The following TMEM87B variants were observed in gnomAD, a reference collection of about 807,000 sequenced individuals.
The protein encoded by TMEM87B is transmembrane protein 87B.
Under a neutral mutation model 80.3 loss-of-function variants are expected in TMEM87B, and 83 were observed. That is an observed-to-expected ratio of 1.03 (90% CI 0.87 to 1.24). The LOEUF is 1.24. Ranked by LOEUF, TMEM87B falls within the 50% of genes most tolerant of loss-of-function variation. The pLI, the probability that TMEM87B is intolerant of heterozygous loss-of-function variation, is 0.00. For missense variants in TMEM87B, 625 were observed against 674.4 expected (o/e 0.93, Z 0.81); for synonymous variants, 219 against 230.5 (o/e 0.95, Z 0.45).
At position 112,076,842 on chromosome 2, in the gene TMEM87B, TTGTG is replaced by T. The variant is rs70962982; in HGVS notation, c.502-306_502-303del. On this transcript the variant is annotated intron_variant, in intron 5 of 18. Transcript: ENST00000283206. Reference sequence around the variant, plus strand: ...CACTACCTGCCATTCCTTTTCTGTTTTGTGTGTGTGTGTGTGTGTGTGTGTGTGT... The same window carrying T: ...CACTACCTGCCATTCCTTTTCTGTTTTGTGTGTGTGTGTGTGTGTGTGTGT... Among the ~76,000 whole-genome samples the T allele has an allele frequency of 9.3e-3, 1,301 of 139,222 alleles. 17 individuals are homozygous for T. Among genetic ancestry groups the T allele is most frequent in the African/African-American group, 0.027 (1,019 of 37,360 alleles). 91.3% of individuals were successfully genotyped at this position (139,222 alleles called of 152,430 possible).
intron 17 of TMEM87B, among the ~76,000 whole-genome samples, chr2:112,110,565 T>C (rs564092901): frequency 8.5e-5 from 13 of 152,316 alleles, no homozygotes; most frequent in African/African-American, 3.1e-4. Context: ...GAATTGATTT[T>C]GTTTTCCCAT....
chr2:112,068,629 G>A (rs986827689), intron 4 of TMEM87B, among the ~76,000 whole-genome samples: 7 of 151,822 alleles, frequency 4.6e-5, no homozygotes, highest in East Asian at 2.0e-4. Context: ...GCGTGAACTC[G>A]GGAGGTGGAG....
intron 17 of TMEM87B, among the ~76,000 whole-genome samples, chr2:112,111,681 C>G (rs1420895324): frequency 6.6e-6 from 1 of 152,138 alleles, no homozygotes; most frequent in Non-Finnish European, 1.5e-5. Context: ...GAAAAGCCTT[C>G]CCCTTATACA....
chr2:112,060,088 C>T (rs775994150), intron 2 of TMEM87B, 51 bp downstream of exon 2: 3 of 1,431,060 alleles, frequency 2.1e-6, no homozygotes, highest in Non-Finnish European at 2.8e-6. Flanking sequence ...TGGCTCACGC[C>T]TGTAATCCCG....
chr2:112,090,222 G>A (rs1377016905), intron 10 of TMEM87B, among the ~76,000 whole-genome samples: 1 of 152,198 alleles, frequency 6.6e-6, no homozygotes, highest in Non-Finnish European at 1.5e-5. Flanking sequence ...CCTAGAGGAA[G>A]TGATGTTCAA....
intron 4 of TMEM87B, 56 bp downstream of exon 4, chr2:112,067,123 T>A: frequency 1.3e-6 from 2 of 1,573,092 alleles, no homozygotes; most frequent in Non-Finnish European, 8.6e-7. Flanking sequence ...AATACAAGTA[T>A]CAACTGAAGT....
At chr2:112,072,740 A>G (rs2104466172) in intron 4 of TMEM87B, among the ~76,000 whole-genome samples, 1 of 151,626 alleles carries the variant, frequency 6.6e-6, no homozygotes, top group East Asian at 1.9e-4. Context: ...GGTCTTTTGA[A>G]TGGTTTTTCA....
At position 112,091,693 on chromosome 2, in the gene TMEM87B, C is replaced by A. The variant is rs1393353860; in HGVS notation, c.1033-19C>A. The stretch of plus-strand genomic sequence containing the variant: ...GAAAGTGTTACATTCAGGTTTCTTC[C>A]CTTATTTTTATCTTTCAGGGTTCTA... On this transcript the variant is annotated intron_variant, in intron 10 of 18. Coordinates refer to ENST00000283206, the MANE Select transcript of TMEM87B (RefSeq NM_032824.3). 1 of 1,583,690 alleles carries A rather than the reference C, an allele frequency of 6.3e-7. No individual in the cohort carries two copies. The highest frequency in any genetic ancestry group is 1.7e-5 in the Admixed American group (1 of 58,716).
Position 112,095,330 on chromosome 2 carries a change from T to C in TMEM87B, c.1105-1714T>C, listed in dbSNP as rs548998828. 9 of 984,740 alleles carry C rather than the reference T, an allele frequency of 9.1e-6. No homozygotes were observed. In the South Asian group the frequency reaches 3.8e-4, roughly 41 times the overall value. The allele number at this position is 984,740 out of a possible 1,614,324, so 61.0% of individuals were successfully genotyped here. A position where few individuals can be genotyped will look rare whatever the true frequency, so the allele number is the denominator to read the frequency against. On this transcript the variant is annotated intron_variant, in intron 11 of 18. Coordinates refer to ENST00000283206, the MANE Select transcript of TMEM87B (RefSeq NM_032824.3). The stretch of plus-strand genomic sequence containing the variant: ...CTTTTCCTACCACAGCAGCGCGCTC[T>C]CACTTCAGGATCAGAAGGGCTATTT...
intron 10 of TMEM87B, 26 bp downstream of exon 10, chr2:112,089,744 C>T: frequency 6.3e-7 from 1 of 1,598,640 alleles, no homozygotes; most frequent in Non-Finnish European, 8.6e-7. Flanking sequence ...TTCTACCACC[C>T]CTTTTTGTTA....
At position 112,118,146 on chromosome 2, in the gene TMEM87B, G is replaced by T. The variant is rs1241215097; in HGVS notation, c.*2003G>T. Reference sequence around the variant, plus strand: ...TACTGTTACTAGAAGGGCATGTGCTGTCTGTCACCTTCAGTAATATTTGTG... The same window carrying T: ...TACTGTTACTAGAAGGGCATGTGCTTTCTGTCACCTTCAGTAATATTTGTG... On this transcript the variant is annotated 3_prime_UTR_variant, in exon 19 of 19. Coordinates refer to ENST00000283206, the MANE Select transcript of TMEM87B (RefSeq NM_032824.3). The T allele has an allele frequency of 6.6e-6, 1 of 152,222 alleles. No homozygotes were observed. The highest frequency in any genetic ancestry group is 1.5e-5 in the Non-Finnish European group (1 of 68,052). 9.4% of individuals were successfully genotyped at this position (152,222 alleles called of 1,614,324 possible).
At chr2:112,083,708 A>G (rs1679065776) in intron 8 of TMEM87B, among the ~76,000 whole-genome samples, 1 of 152,240 alleles carries the variant, frequency 6.6e-6, no homozygotes, top group African/African-American at 2.4e-5. Flanking sequence ...CCATTGAGCT[A>G]GGAGGCTTTG....
intron 10 of TMEM87B, among the ~76,000 whole-genome samples, chr2:112,090,443 C>T (rs2104486234): frequency 6.6e-6 from 1 of 152,056 alleles, no homozygotes; most frequent in Admixed American, 6.6e-5. Context: ...CAGGGTCTTG[C>T]TCTGTTGCCT....
intron 14 of TMEM87B, among the ~76,000 whole-genome samples, chr2:112,099,059 A>G (rs1469012029): frequency 6.6e-6 from 1 of 152,102 alleles, no homozygotes; most frequent in African/African-American, 2.4e-5. Context: ...AATACCACAT[A>G]CTCATATTGG....
At chr2:112,067,432 C>T (rs192943639) in intron 4 of TMEM87B, among the ~76,000 whole-genome samples, 17 of 152,186 alleles carry the variant, frequency 1.1e-4, no homozygotes, top group South Asian at 8.3e-4. Flanking sequence ...AACCCCATCT[C>T]TACTAAAAAT....
chr2:112,094,641 G>T (rs1028333958), intron 11 of TMEM87B, among the ~76,000 whole-genome samples: 1 of 152,172 alleles, frequency 6.6e-6, no homozygotes, highest in Admixed American at 6.5e-5. Flanking sequence ...TATCTGATTA[G>T]TCAGATTGGG....
intron 17 of TMEM87B, among the ~76,000 whole-genome samples, chr2:112,111,792 C>T (rs889679495): frequency 5.3e-5 from 8 of 152,210 alleles, no homozygotes; most frequent in Admixed American, 5.2e-4. Flanking sequence ...ATGATATTCA[C>T]TGTGAATTTC....
chr2:112,090,169 A>G (rs34739910), intron 10 of TMEM87B, among the ~76,000 whole-genome samples: 1,632 of 152,118 alleles, frequency 0.011, 33 homozygotes, highest in African/African-American at 0.038. Flanking sequence ...ACTCTTGGGG[A>G]CTAGCTATTT....
At chr2:112,115,443 ACT>A (rs1330325487) in intron 18 of TMEM87B, among the ~76,000 whole-genome samples, 1 of 144,530 alleles carries the variant, frequency 6.9e-6, no homozygotes, top group Non-Finnish European at 1.5e-5. Flanking sequence ...AAGATTCATA[ACT>A]CTACAGAAAG....
Sources: allele counts gnomAD v4.1 joint callset (sites outside exome capture counted in the v4.1 genomes callset), GRCh38; gene constraint gnomAD v4.1.1; transcripts MANE v1.5; gene names NCBI Gene and HGNC (gene_info 2026-07-23, HGNC 2026-07-21).